ARL17B: variants seen among roughly 807,000 people sequenced by gnomAD.
ARL17B encodes the protein ADP-ribosylation factor-like protein 17.
chr17:46,289,278 G>A (rs2050002875), intron 4 of ARL17B, among the ~76,000 whole-genome samples: 2 of 152,280 alleles, frequency 1.3e-5, no homozygotes, highest in South Asian at 4.1e-4. Context: ...GACCTGCCAG[G>A]CTCAAGTGAT....
chr17:46,274,350 A>T (rs535347271), downstream of ARL17B, among the ~76,000 whole-genome samples: 4 of 152,378 alleles, frequency 2.6e-5, no homozygotes, highest in South Asian at 8.3e-4. Flanking sequence ...GACAAATTGT[A>T]CTGTTATATT....
At chr17:46,340,945 T>C (rs2052511327) in intron 3 of ARL17B, among the ~76,000 whole-genome samples, 1 of 78,246 alleles carries the variant, frequency 1.3e-5, no homozygotes, top group Non-Finnish European at 3.5e-5. Flanking sequence ...CTCACTTTGT[T>C]GCCCAGGCTG....
chr17:46,274,651 T>G (rs939264903), downstream of ARL17B: 11 of 152,706 alleles, frequency 7.2e-5, no homozygotes, highest in African/African-American at 2.7e-4. Context: ...GCATCTTTTT[T>G]GCAACAATAA....
At chr17:46,350,848 CA>C (rs1200405020) in intron 3 of ARL17B, among the ~76,000 whole-genome samples, 23 of 18,900 alleles carry the variant, frequency 1.2e-3, no homozygotes, top group East Asian at 5.7e-3. Flanking sequence ...ACCCTGTCTC[CA>C]AAAAAAAAAA....
intron 4 of ARL17B, among the ~76,000 whole-genome samples, chr17:46,280,038 C>T (rs1195038527): frequency 6.6e-6 from 1 of 152,200 alleles, no homozygotes. Context: ...GAGTAATTCT[C>T]ATTGCTTTCC....
At chr17:46,288,126 T>C (rs1051221071) in intron 4 of ARL17B, among the ~76,000 whole-genome samples, 7 of 151,970 alleles carry the variant, frequency 4.6e-5, no homozygotes, top group Non-Finnish European at 7.4e-5. Context: ...GAATAATACA[T>C]GGCTATGTAG....
chr17:46,289,219 G>C lies in ARL17B; in HGVS notation c.*21+10307C>G, dbSNP rs563698247. On this transcript the variant is annotated intron_variant, in intron 4 of 4. Transcript: ENST00000570618. ...TATTTGGAGATAAGAGTCTCACTTT[G>C]TCACCCTGCCTGGACTGCAGTGACA... Among the ~76,000 whole-genome samples, 8 of 152,296 alleles carry C rather than the reference G, an allele frequency of 5.3e-5. No individual in the cohort carries two copies. In the South Asian group the frequency reaches 1.4e-3, roughly 28 times the overall value.
intron 3 of ARL17B, among the ~76,000 whole-genome samples, chr17:46,324,001 A>G (rs2051557621): frequency 9.6e-6 from 1 of 103,852 alleles, no homozygotes; most frequent in African/African-American, 3.1e-5. Context: ...GGACTTTGGT[A>G]ACTGCAGGGG....
chr17:46,287,144 T>G (rs927307652), intron 4 of ARL17B, among the ~76,000 whole-genome samples: 1 of 152,264 alleles, frequency 6.6e-6, no homozygotes, highest in African/African-American at 2.4e-5. Flanking sequence ...TGATGCTCTA[T>G]CACATGTGCA....
intron 3 of ARL17B, among the ~76,000 whole-genome samples, chr17:46,316,967 A>T (rs1252903011): frequency 1.0e-5 from 1 of 99,204 alleles, no homozygotes; most frequent in African/African-American, 3.2e-5. Context: ...AGGCAGAAGA[A>T]TTTTTCTTAG....
At chr17:46,327,185 T>C (rs2051783164) in intron 3 of ARL17B, among the ~76,000 whole-genome samples, 1 of 83,106 alleles carries the variant, frequency 1.2e-5, no homozygotes, top group Non-Finnish European at 3.5e-5. Flanking sequence ...TTGGGAAAAA[T>C]ACTGCATAGG....
exon 5 of ARL17B, chr17:46,275,320 T>C: frequency 1.2e-6 from 1 of 821,200 alleles, no homozygotes; most frequent in Non-Finnish European, 1.9e-6. Context: ...GGCTCCTTAA[T>C]TTAAAATAGT....
downstream of ARL17B, among the ~76,000 whole-genome samples, chr17:46,298,766 A>G (rs540031298): frequency 1.0e-5 from 1 of 96,084 alleles, no homozygotes; most frequent in East Asian, 6.5e-4. Context: ...GAAGAAAGAG[A>G]ATAGGCATAA....
intron 4 of ARL17B, among the ~76,000 whole-genome samples, chr17:46,290,164 T>C (rs1288430390): frequency 6.6e-6 from 1 of 152,226 alleles, no homozygotes; most frequent in African/African-American, 2.4e-5. Flanking sequence ...GGGCCTCACT[T>C]GATCGCCCCG....
intron 3 of ARL17B, among the ~76,000 whole-genome samples, chr17:46,327,215 C>T (rs2051785053): frequency 1.3e-5 from 1 of 78,078 alleles, no homozygotes. Flanking sequence ...CTTCCTGCCT[C>T]GTAACCGCAG....
intron 4 of ARL17B, among the ~76,000 whole-genome samples, chr17:46,288,851 G>A (rs1305518471): frequency 2.0e-5 from 3 of 151,764 alleles, no homozygotes; most frequent in African/African-American, 4.8e-5. Context: ...CCACAGGCAC[G>A]TGCCACCAAG....
intron 4 of ARL17B, chr17:46,292,787 A>C (rs1295927737): frequency 2.5e-5 from 2 of 78,682 alleles, no homozygotes; most frequent in African/African-American, 6.5e-5. Flanking sequence ...AATATCTCCC[A>C]CGTATCTTGG....
chr17:46,298,082 G>A (rs1425488995), downstream of ARL17B, among the ~76,000 whole-genome samples: 4 of 12,162 alleles, frequency 3.3e-4, 2 homozygotes, highest in African/African-American at 3.6e-4. Context: ...GCTCTAAGTC[G>A]TTAAGAGTTG....
At chr17:46,291,125 G>C (rs534787052) in intron 4 of ARL17B, among the ~76,000 whole-genome samples, 1 of 152,334 alleles carries the variant, frequency 6.6e-6, no homozygotes, top group South Asian at 2.1e-4. Flanking sequence ...TATTTATAGA[G>C]AGAGACTGAA....
Sources: allele counts gnomAD v4.1 joint callset (sites outside exome capture counted in the v4.1 genomes callset), GRCh38; gene constraint gnomAD v4.1.1; transcripts MANE v1.5; gene names NCBI Gene and HGNC (gene_info 2026-07-23, HGNC 2026-07-21).